Variants in XNDC1N observed in about 807,000 individuals in gnomAD.
XNDC1N encodes protein XNDC1N.
At chr11:71,894,148 A>C in the XNDC1N span, 14 of 572,160 alleles carry the variant, frequency 2.4e-5, no homozygotes, top group Non-Finnish European at 3.8e-5. Flanking sequence ...CTCCATTCTT[A>C]GGATTTCATC....
chr11:71,869,094 C>T, the XNDC1N span, among the ~76,000 whole-genome samples: 2 of 152,018 alleles, frequency 1.3e-5, no homozygotes, highest in South Asian at 4.1e-4. Context: ...GGTACATGTG[C>T]ACAATGCGCA....
chr11:71,923,033 G>C, the XNDC1N span, among the ~76,000 whole-genome samples: 1 of 152,356 alleles, frequency 6.6e-6, no homozygotes, highest in South Asian at 2.1e-4. Context: ...TCCTGGTGCA[G>C]TTTCTGGGCT....
the XNDC1N span, among the ~76,000 whole-genome samples, chr11:71,902,955 G>A: frequency 1.3e-5 from 2 of 152,208 alleles, no homozygotes; most frequent in African/African-American, 4.8e-5. Flanking sequence ...GTGTCTCTAA[G>A]GCAGGTGTGT....
At chr11:71,876,924 T>A in the XNDC1N span, among the ~76,000 whole-genome samples, 1 of 152,190 alleles carries the variant, frequency 6.6e-6, no homozygotes, top group South Asian at 2.1e-4. Flanking sequence ...AAGATCCCCC[T>A]TTGAGTTTCT....
chr11:71,901,328 G>A, the XNDC1N span, among the ~76,000 whole-genome samples: 1 of 152,108 alleles, frequency 6.6e-6, no homozygotes, highest in African/African-American at 2.4e-5. Flanking sequence ...GCTGGGAGCC[G>A]TGGCTCACGC....
chr11:71,894,529 C>T, the XNDC1N span: 47 of 155,778 alleles, frequency 3.0e-4, no homozygotes, highest in Non-Finnish European at 5.2e-4. Context: ...TTCCGCATTT[C>T]CTTTGTGAAT....
chr11:71,901,155 G>T, the XNDC1N span, among the ~76,000 whole-genome samples: 2 of 152,132 alleles, frequency 1.3e-5, no homozygotes, highest in East Asian at 1.9e-4. Flanking sequence ...TCTCTCCCTT[G>T]CCCCTGTTCC....
the XNDC1N span, among the ~76,000 whole-genome samples, chr11:71,905,172 C>A: frequency 6.6e-6 from 1 of 151,536 alleles, no homozygotes; most frequent in Non-Finnish European, 1.5e-5. Context: ...GTACACTCAA[C>A]GTGATATTTG....
At chr11:71,910,884 G>C in the XNDC1N span, among the ~76,000 whole-genome samples, 1 of 152,224 alleles carries the variant, frequency 6.6e-6, no homozygotes, top group Non-Finnish European at 1.5e-5. Flanking sequence ...GGAACCTTTG[G>C]AATGCGGATC....
the XNDC1N span, among the ~76,000 whole-genome samples, chr11:71,896,485 C>T: frequency 3.3e-5 from 5 of 152,344 alleles, no homozygotes; most frequent in East Asian, 9.6e-4. Flanking sequence ...TTTCCAGATG[C>T]TTTGGTAAGA....
the XNDC1N span, among the ~76,000 whole-genome samples, chr11:71,912,920 A>G: frequency 2.0e-5 from 3 of 152,018 alleles, no homozygotes; most frequent in Non-Finnish European, 4.4e-5. Flanking sequence ...CCCCTTGCAT[A>G]TTGGGAACAA....
the XNDC1N span, among the ~76,000 whole-genome samples, chr11:71,920,032 A>G: frequency 8.1e-6 from 1 of 122,774 alleles, no homozygotes; most frequent in Admixed American, 1.0e-4. Flanking sequence ...ATCTCGGCTC[A>G]CCGAAAGCTC....
chr11:71,894,851 T>G, the XNDC1N span, among the ~76,000 whole-genome samples: 1 of 152,250 alleles, frequency 6.6e-6, no homozygotes, highest in Non-Finnish European at 1.5e-5. Flanking sequence ...TAATTTTGCT[T>G]CAAGGTGACG....
chr11:71,923,648 C>T, the XNDC1N span, among the ~76,000 whole-genome samples: 2 of 151,948 alleles, frequency 1.3e-5, no homozygotes, highest in African/African-American at 4.8e-5. Context: ...CTCCTCCTCC[C>T]GGGTTCACGC....
chr11:71,921,119 G>A, the XNDC1N span, among the ~76,000 whole-genome samples: 6 of 152,058 alleles, frequency 3.9e-5, no homozygotes, highest in Non-Finnish European at 8.8e-5. Flanking sequence ...TGCCTCCTGA[G>A]TAGCTGGGAC....
At chr11:71,914,698 A>G in the XNDC1N span, among the ~76,000 whole-genome samples, 1 of 152,042 alleles carries the variant, frequency 6.6e-6, no homozygotes, top group Non-Finnish European at 1.5e-5. Flanking sequence ...GGGAAAAAAA[A>G]AAAAAGAAAT....
the XNDC1N span, among the ~76,000 whole-genome samples, chr11:71,915,136 T>C: frequency 2.0e-5 from 3 of 152,122 alleles, no homozygotes. Flanking sequence ...TGAGGCAAGA[T>C]TCTCCACTAG....
At chr11:71,907,300 C>T in the XNDC1N span, among the ~76,000 whole-genome samples, 24 of 151,944 alleles carry the variant, frequency 1.6e-4, no homozygotes, top group Non-Finnish European at 2.6e-4. Context: ...GGAGTAATAT[C>T]ACCCCCTCTC....
chr11:71,878,452 C>A, the XNDC1N span: 1 of 1,611,750 alleles, frequency 6.2e-7, no homozygotes, highest in Non-Finnish European at 8.5e-7. Flanking sequence ...CCTATTCAAC[C>A]ATGAGGGTCT....
Sources: gnomAD v4.1 joint callset for allele counts (sites outside exome capture counted in the v4.1 genomes callset) on GRCh38, gnomAD v4.1.1 for gene constraint, MANE v1.5 for transcripts, NCBI Gene and HGNC (gene_info 2026-07-23, HGNC 2026-07-21) for gene names.